ZC3H12B: variants seen among roughly 807,000 people sequenced by gnomAD.
ZC3H12B encodes the protein probable ribonuclease ZC3H12B.
In ZC3H12B, 7 loss-of-function variants were observed where a neutral mutation model predicts 43.9. That is an observed-to-expected ratio of 0.16 (90% CI 0.09 to 0.30). The LOEUF is 0.30. Among genes scored for constraint, ZC3H12B ranks in the 10% least tolerant of loss-of-function variants. The pLI, the probability that ZC3H12B is intolerant of heterozygous loss-of-function variation, is 1.00. For synonymous variants in ZC3H12B, 222 were observed against 241.7 expected (o/e 0.92, Z 0.76); for missense variants, 475 against 670.2 (o/e 0.71, Z 3.22).
chrX:65,353,408 GAAGA>G, the ZC3H12B span, among the ~76,000 whole-genome samples: 1 of 111,398 alleles, frequency 9.0e-6, no homozygotes, highest in Non-Finnish European at 1.9e-5. Context: ...CAAGTGAAAG[GAAGA>G]GTCAGTCGCA....
At chrX:65,501,936 G>A (rs1242498755) in exon 5 of ZC3H12B, 1 of 1,210,922 alleles carries the variant, frequency 8.3e-7, no homozygotes, top group Non-Finnish European at 1.1e-6. Flanking sequence ...GCCAAGTGTG[G>A]CACAGGGATG....
intron 3 of ZC3H12B, among the ~76,000 whole-genome samples, chrX:65,407,749 G>T (rs1364314568): frequency 8.8e-6 from 1 of 113,637 alleles, no homozygotes. Context: ...CCGCCTCCCC[G>T]CCCGGGCGAC....
the ZC3H12B span, among the ~76,000 whole-genome samples, chrX:65,223,514 T>A: frequency 8.9e-6 from 1 of 112,230 alleles, no homozygotes; most frequent in African/African-American, 3.2e-5. Flanking sequence ...GCAAAAGAAA[T>A]AATCAGCAAA....
intron 3 of ZC3H12B, among the ~76,000 whole-genome samples, chrX:65,442,524 C>T (rs1368511213): frequency 1.8e-5 from 2 of 111,209 alleles, no homozygotes; most frequent in Non-Finnish European, 3.8e-5. Context: ...CAGCCGTCGA[C>T]CCCCAAAAGC....
intron 3 of ZC3H12B, among the ~76,000 whole-genome samples, chrX:65,438,663 C>T (rs773085929): frequency 1.8e-5 from 2 of 113,141 alleles, no homozygotes; most frequent in Non-Finnish European, 3.7e-5. Flanking sequence ...CTAAAAGTAT[C>T]CCTTAAGGGA....
the ZC3H12B span, among the ~76,000 whole-genome samples, chrX:65,327,589 G>T: frequency 9.0e-6 from 1 of 111,345 alleles, no homozygotes; most frequent in East Asian, 2.8e-4. Flanking sequence ...AAATGATTGA[G>T]TATGTTCAGT....
the ZC3H12B span, among the ~76,000 whole-genome samples, chrX:65,092,324 G>A: frequency 9.5e-3 from 1,065 of 111,865 alleles, 17 homozygotes; most frequent in African/African-American, 0.033. Context: ...GAGAAGTGGG[G>A]CATTGTTATG....
chrX:65,391,650 C>T (rs1197977766), intron 2 of ZC3H12B, among the ~76,000 whole-genome samples: 1 of 111,184 alleles, frequency 9.0e-6, no homozygotes, highest in African/African-American at 3.3e-5. Context: ...AGTAGTTGCT[C>T]CATGGACACT....
chrX:65,455,632 C>T (rs2148161625), intron 3 of ZC3H12B, among the ~76,000 whole-genome samples: 1 of 111,352 alleles, frequency 9.0e-6, no homozygotes, highest in Non-Finnish European at 1.9e-5. Flanking sequence ...GAGAATGCCA[C>T]AAAGATACTC....
rs769543683 is a variant in ZC3H12B, at chrX:65,479,660, A to T, written n.408-8986A>T. Reference sequence around the variant, plus strand: ...TGGGATTACATGTGAGAGCCACCGCACCTGGCTAAATAAACACTATTTGGA... The same window carrying T: ...TGGGATTACATGTGAGAGCCACCGCTCCTGGCTAAATAAACACTATTTGGA... On this transcript the variant is annotated intron_variant and non_coding_transcript_variant, in intron 3 of 5. Transcript: ENST00000617377. Among the ~76,000 whole-genome samples, 8 of 111,737 alleles carry T rather than the reference A, an allele frequency of 7.2e-5. No individual in the cohort carries two copies. In the East Asian group the frequency reaches 2.2e-3, roughly 31 times the overall value.
At chrX:65,158,235 G>A in the ZC3H12B span, among the ~76,000 whole-genome samples, 4 of 110,228 alleles carry the variant, frequency 3.6e-5, no homozygotes, top group East Asian at 2.9e-4. Context: ...ATAAACATAC[G>A]TGTGTATGTG....
chrX:65,404,515 T>G (rs1358674307), intron 3 of ZC3H12B, among the ~76,000 whole-genome samples: 3 of 111,382 alleles, frequency 2.7e-5, no homozygotes, highest in Non-Finnish European at 3.8e-5. Flanking sequence ...GAAAAGACAT[T>G]CCATGCCAAT....
At chrX:65,275,375 T>A in the ZC3H12B span, among the ~76,000 whole-genome samples, 3 of 112,900 alleles carry the variant, frequency 2.7e-5, no homozygotes, top group African/African-American at 9.6e-5. Flanking sequence ...CAGTCATGTC[T>A]CTAGGTAGGT....
chrX:65,267,874 A>G, the ZC3H12B span, among the ~76,000 whole-genome samples: 18 of 112,023 alleles, frequency 1.6e-4, no homozygotes, highest in African/African-American at 5.5e-4. Context: ...TAGGAAAAGA[A>G]GAACAAACTA....
At chrX:65,175,112 G>T in the ZC3H12B span, among the ~76,000 whole-genome samples, 1 of 111,577 alleles carries the variant, frequency 9.0e-6, no homozygotes, top group Non-Finnish European at 1.9e-5. Context: ...GTTCCTTGCG[G>T]CTTCCCTTGG....
chrX:65,291,641 G>A, the ZC3H12B span, among the ~76,000 whole-genome samples: 5 of 111,804 alleles, frequency 4.5e-5, no homozygotes, highest in Admixed American at 9.5e-5. Flanking sequence ...TAAGGAGTGG[G>A]TGCTGGTGAG....
intron 2 of ZC3H12B, 75 bp from the exon 8 acceptor site, chrX:65,498,923 AT>A (rs1478428795): frequency 1.2e-6 from 1 of 857,688 alleles, no homozygotes; most frequent in Non-Finnish European, 1.7e-6. Context: ...CAACTTTTGC[AT>A]TTTTAATATT....
At chrX:65,249,268 G>A in the ZC3H12B span, among the ~76,000 whole-genome samples, 2 of 111,962 alleles carry the variant, frequency 1.8e-5, no homozygotes, top group East Asian at 5.6e-4. Context: ...TGAGAGATGA[G>A]GATCCAGTTT....
chrX:65,453,364 A>G (rs2067548721), intron 3 of ZC3H12B, among the ~76,000 whole-genome samples: 3 of 48,584 alleles, frequency 6.2e-5, no homozygotes, highest in African/African-American at 4.7e-4. Context: ...AAATGCATAT[A>G]TATATATATA....
Sources: gnomAD v4.1 joint callset for allele counts (sites outside exome capture counted in the v4.1 genomes callset) on GRCh38, gnomAD v4.1.1 for gene constraint, MANE v1.5 for transcripts, NCBI Gene and HGNC (gene_info 2026-07-23, HGNC 2026-07-21) for gene names.